The following TTLL9 variants were observed in gnomAD, a reference collection of about 807,000 sequenced individuals.
The protein encoded by TTLL9 is probable tubulin polyglutamylase TTLL9.
Under a neutral mutation model 65.6 loss-of-function variants are expected in TTLL9, and 47 were observed. That is an observed-to-expected ratio of 0.72 (90% confidence interval 0.57 to 0.91). The LOEUF is 0.91. Among genes scored for constraint, TTLL9 ranks in the 40% least tolerant of loss-of-function variants. The pLI is 0.00. For missense variants in TTLL9, 537 were observed against 568.8 expected, an observed-to-expected ratio of 0.94 and a Z score of 0.57; for synonymous variants, 179 against 204.8, an observed-to-expected ratio of 0.87 and a Z score of 1.07.
At chr20:31,913,927 G>A (rs147241352) in intron 6 of TTLL9, among the ~76,000 whole-genome samples, 5 of 152,194 alleles carry the variant, frequency 3.3e-5, no homozygotes, top group Admixed American at 6.5e-5. Flanking sequence ...CTCGTGGTGC[G>A]GGGAGGCGAC....
chr20:31,912,175 T>C (rs1278228915), intron 6 of TTLL9, among the ~76,000 whole-genome samples: 3 of 152,170 alleles, frequency 2.0e-5, no homozygotes, highest in African/African-American at 7.2e-5. Flanking sequence ...AATTGACCAT[T>C]TTCATTGTTA....
At chr20:31,932,413 A>G (rs1201167285) in intron 10 of TTLL9, among the ~76,000 whole-genome samples, 1 of 146,616 alleles carries the variant, frequency 6.8e-6, no homozygotes, top group Non-Finnish European at 1.5e-5. Flanking sequence ...CGGAGGTTGC[A>G]GTGAGATGAG....
At chr20:31,893,276 T>G (rs867705287) in intron 3 of TTLL9, among the ~76,000 whole-genome samples, 1 of 151,800 alleles carries the variant, frequency 6.6e-6, no homozygotes, top group African/African-American at 2.4e-5. Context: ...TGATGTGAAG[T>G]CAGCTGTTCT....
At chr20:31,934,953 G>T (rs982588931) in intron 12 of TTLL9, 65 bp downstream of exon 12, 5 of 1,470,276 alleles carry the variant, frequency 3.4e-6, no homozygotes, top group African/African-American at 2.8e-5. Flanking sequence ...GACTGCCCAG[G>T]TTTGAATCCC....
At chr20:31,879,835 G>A (rs2063084725) in intron 2 of TTLL9, 1 of 1,549,660 alleles carries the variant, frequency 6.5e-7, no homozygotes, top group Non-Finnish European at 8.7e-7. Flanking sequence ...GCATAAGCAC[G>A]CGAGGCGCGC....
intron 4 of TTLL9, among the ~76,000 whole-genome samples, chr20:31,907,058 C>T (rs2063569161): frequency 6.6e-6 from 1 of 152,050 alleles, no homozygotes; most frequent in South Asian, 2.1e-4. Flanking sequence ...GGATCGATCT[C>T]CAGAACAAAA....
At chr20:31,888,475 T>C (rs1022170174) in intron 3 of TTLL9, among the ~76,000 whole-genome samples, 2 of 152,074 alleles carry the variant, frequency 1.3e-5, no homozygotes, top group South Asian at 2.1e-4. Context: ...ACTTTTTATT[T>C]ATTTATTTAT....
intron 2 of TTLL9, among the ~76,000 whole-genome samples, chr20:31,873,761 AAAG>A (rs2062984139): frequency 6.9e-6 from 1 of 144,554 alleles, no homozygotes; most frequent in African/African-American, 2.7e-5. Flanking sequence ...AGAAAGAAAG[AAAG>A]AAAGAGAAAG....
intron 12 of TTLL9, 130 bp downstream of exon 12, chr20:31,935,018 T>C: frequency 3.4e-6 from 3 of 873,204 alleles, no homozygotes; most frequent in African/African-American, 1.7e-5. Flanking sequence ...TTACTGTGCC[T>C]CAATTTGCCC....
intron 6 of TTLL9, among the ~76,000 whole-genome samples, chr20:31,919,274 A>G (rs755464466): frequency 3.9e-5 from 6 of 152,200 alleles, no homozygotes; most frequent in Non-Finnish European, 5.9e-5. Flanking sequence ...TAACAAAGCT[A>G]TCCTGTAACA....
At chr20:31,933,740 TC>T in intron 10 of TTLL9, 59 bp from the exon 11 acceptor site, 1 of 1,552,204 alleles carries the variant, frequency 6.4e-7, no homozygotes, top group Non-Finnish European at 8.8e-7. Context: ...CCTGGGGACT[TC>T]GTGGGGCAGA....
intron 4 of TTLL9, among the ~76,000 whole-genome samples, chr20:31,901,683 C>G (rs1440748924): frequency 6.6e-6 from 1 of 152,202 alleles, no homozygotes; most frequent in East Asian, 1.9e-4. Context: ...GCCCCAGTCC[C>G]TGCTCTTCCC....
chr20:31,890,104 T>C (rs12151940), intron 3 of TTLL9, among the ~76,000 whole-genome samples: 4,583 of 41,136 alleles, frequency 0.11, 273 homozygotes, highest in Non-Finnish European at 0.15. Flanking sequence ...TTCCCTCCCT[T>C]CCTTCCTTCC....
chr20:31,944,040 GAA>G lies in TTLL9; in HGVS notation c.*1020_*1021del, dbSNP rs1270713555. On this transcript the variant is annotated 3_prime_UTR_variant, in exon 15 of 15. Transcript: ENST00000535842. ...TGCCTGCCTAGGTCAAGCCCGAAGG[GAA>G]GACTTTTGGAAGGAAAATACTGGCA... 2 of 336,440 alleles carry G rather than the reference GAA, an allele frequency of 5.9e-6. No homozygotes were observed. The highest frequency in any genetic ancestry group is 1.2e-5 in the Non-Finnish European group (2 of 168,664). 20.8% of individuals were successfully genotyped at this position (336,440 alleles called of 1,614,324 possible). A position where few individuals can be genotyped will look rare whatever the true frequency, so the allele number is the denominator to read the frequency against.
intron 5 of TTLL9, 112 bp downstream of exon 5, chr20:31,908,814 C>T (rs1441120733): frequency 1.5e-5 from 13 of 869,670 alleles, no homozygotes; most frequent in East Asian, 5.4e-5. Flanking sequence ...TGGGATGCAA[C>T]GCCGAGTGGG....
chr20:31,875,724 A>C (rs946368277), intron 2 of TTLL9, among the ~76,000 whole-genome samples: 1 of 152,200 alleles, frequency 6.6e-6, no homozygotes, highest in African/African-American at 2.4e-5. Flanking sequence ...TGGGGAAAAA[A>C]ATCTTAAATC....
intron 2 of TTLL9, among the ~76,000 whole-genome samples, chr20:31,875,156 T>C (rs1491000216): frequency 6.6e-6 from 1 of 152,202 alleles, no homozygotes; most frequent in Non-Finnish European, 1.5e-5. Context: ...TTGTGGGATG[T>C]GGTTTCTGCC....
chr20:31,881,617 T>TG (rs1199478917), intron 2 of TTLL9, among the ~76,000 whole-genome samples: 1 of 150,986 alleles, frequency 6.6e-6, no homozygotes, highest in Non-Finnish European at 1.5e-5. Flanking sequence ...TTTTTTTTTT[T>TG]TTTTTGGAGA....
chr20:31,900,100 T>C (rs1001240926), intron 4 of TTLL9, among the ~76,000 whole-genome samples: 1 of 152,156 alleles, frequency 6.6e-6, no homozygotes, highest in African/African-American at 2.4e-5. Flanking sequence ...AAATACAGGC[T>C]ACATTTTCCC....
Sources: allele counts gnomAD v4.1 joint callset (sites outside exome capture counted in the v4.1 genomes callset), GRCh38; gene constraint gnomAD v4.1.1; transcripts MANE v1.5; gene names NCBI Gene and HGNC (gene_info 2026-07-23, HGNC 2026-07-21).